Variants in ACAP3 observed in about 807,000 individuals in gnomAD.
ACAP3 encodes the protein arf-GAP with coiled-coil, ANK repeat and PH domain-containing protein 3.
A neutral mutation model predicts 104.1 loss-of-function variants in ACAP3; 56 were observed. The observed-to-expected ratio is 0.54, with a 90% CI of 0.43 to 0.67. The LOEUF is 0.67. Ranked by LOEUF, ACAP3 falls within the 30% of genes least tolerant of loss-of-function variation. The probability of loss-of-function intolerance (pLI) is 0.00; values close to 1 mark genes in which losing one functional copy is unlikely to be tolerated. For synonymous variants in ACAP3, 628 were observed against 496.2 expected (o/e 1.27, Z -3.53); for missense variants, 1,208 against 1,174.9 (o/e 1.03, Z -0.41).
intron 14 of ACAP3, 150 bp from the exon 15 acceptor site, chr1:1,296,783 G>A (rs924241768): frequency 1.0e-5 from 8 of 798,014 alleles, no homozygotes; most frequent in African/African-American, 3.5e-5. Flanking sequence ...ACACCCTCAC[G>A]TGGGCAGATG....
intron 6 of ACAP3, 135 bp downstream of exon 6, chr1:1,300,374 T>G: frequency 8.1e-7 from 1 of 1,231,282 alleles, no homozygotes; most frequent in East Asian, 2.5e-5. Flanking sequence ...TGCTTCCCCA[T>G]GTCTGGAGTT....
chr1:1,306,826 G>A (rs987560564), intron 1 of ACAP3, among the ~76,000 whole-genome samples: 51 of 152,262 alleles, frequency 3.3e-4, no homozygotes, highest in African/African-American at 1.1e-3. Context: ...TGTACAAGGT[G>A]ATGTGTCTAT....
rs111749158 is a variant in ACAP3 at position 1,303,718 on chromosome 1, C to A, written c.105+368G>T. ...GTGGGGCTCATGGACACGGCTCCCCCCTCCACGGCCTGTTGCCCCCTCCCC... is the reference window on the plus strand; with the variant it reads ...GTGGGGCTCATGGACACGGCTCCCCACTCCACGGCCTGTTGCCCCCTCCCC... On this transcript the variant is annotated intron_variant, in intron 2 of 23. Coordinates refer to ENST00000354700, the MANE Select transcript of ACAP3 (RefSeq NM_030649.3). This position sits in a 1 kb window ranked among gnomAD's most constrained non-coding sequence, Gnocchi z 4.0. The A allele has an allele frequency of 1.2e-5, 5 of 402,512 alleles. No individual in the cohort carries two copies. Among genetic ancestry groups the A allele is most frequent in the South Asian group, 2.9e-5 (1 of 34,554 alleles). 24.9% of individuals were successfully genotyped at this position (402,512 alleles called of 1,614,324 possible).
chr1:1,301,139 T>C (rs1023275230), intron 5 of ACAP3, among the ~76,000 whole-genome samples: 3 of 150,548 alleles, frequency 2.0e-5, no homozygotes, highest in African/African-American at 7.5e-5. Flanking sequence ...GGCACAGTTA[T>C]GGCTCACTGC....
At position 1,295,941 on chromosome 1, in the gene ACAP3, G is replaced by C. The variant is rs1327085976; in HGVS notation, c.1503-3C>G. 1 of 1,612,450 alleles carries C rather than the reference G, an allele frequency of 6.2e-7. No homozygotes were observed. The highest frequency in any genetic ancestry group is 8.5e-7 in the Non-Finnish European group (1 of 1,179,970). On this transcript the variant is annotated splice_polypyrimidine_tract_variant and splice_region_variant and intron_variant, in intron 17 of 23. Coordinates refer to ENST00000354700, the MANE Select transcript of ACAP3 (RefSeq NM_030649.3). ...TGATCCAGGCCTCCTTGTCCTGCCT[G>C]GACCAGGGGGGAACATGAGGCTGTG... is the stretch of plus-strand genomic sequence containing the variant.
rs772149232 is a variant in ACAP3, at chr1:1,293,808, C to T, written c.2360+15G>A. On this transcript the variant is annotated intron_variant, in intron 23 of 23. Transcript: ENST00000354700. ...TGGAGGCCCCGCCCAGCCCCGAGGG[C>T]CCGGCCGCGCTCACAGTGTCACGAT... 8.9e-7 allele frequency: 1 copy of T among 1,125,164 alleles called. No individual in the cohort carries two copies. The highest frequency in any genetic ancestry group is 2.9e-5 in the Admixed American group (1 of 34,510). The allele number at this position is 1,125,164 out of a possible 1,614,324, so 69.7% of individuals were successfully genotyped here.
In ACAP3 at chr1:1,301,852, C is replaced by A. The variant is rs561234596; in HGVS notation, c.338+136G>T. 3,364 of 778,132 alleles carry A rather than the reference C, an allele frequency of 4.3e-3. 9 individuals are homozygous for A. The highest frequency in any genetic ancestry group is 5.6e-3 in the Non-Finnish European group (2,965 of 527,154). 48.2% of individuals were successfully genotyped at this position (778,132 alleles called of 1,614,324 possible). A position where few individuals can be genotyped will look rare whatever the true frequency, so the allele number is the denominator to read the frequency against. On this transcript the variant is annotated intron_variant, in intron 5 of 23. Coordinates refer to ENST00000354700, the MANE Select transcript of ACAP3 (RefSeq NM_030649.3). ...CTCCACCCGGCTGTCTGCCTCTGAG[C>A]CTTCTGCCTTGTGGAGCCGCTGCAC...
intron 21 of ACAP3, 41 bp downstream of exon 21, chr1:1,294,361 G>A: frequency 6.5e-7 from 1 of 1,541,748 alleles, no homozygotes; most frequent in Non-Finnish European, 8.7e-7. Flanking sequence ...AAACGCGACT[G>A]TGCACCTGTG....
Position 1,299,900 on chromosome 1 carries a change from G to C in ACAP3, c.669C>G (p.Asp223Glu), listed in dbSNP as rs750465525. The C allele has an allele frequency of 1.3e-6, 2 of 1,584,196 alleles. No individual in the cohort carries two copies. Among genetic ancestry groups the C allele is most frequent in the Non-Finnish European group, 1.7e-6 (2 of 1,160,432 alleles). ...CCACCGCAGAGTCGATCACCAGCTG[G>C]TCCAGCTGTTGGGGGTGGCATTAGG... is the stretch of plus-strand genomic sequence containing the variant. ...PYMKKLAAEL[D>E]QLVIDSAVEK... The change falls in exon 9 of 24, where the codon GAC becomes GAG. Residue 223 changes from aspartate (D) to glutamate (E), a missense_variant. Asp to Glu is a conservative substitution (Grantham distance 45). Coordinates refer to ENST00000354700, the MANE Select transcript of ACAP3 (RefSeq NM_030649.3).
intron 10 of ACAP3, 31 bp downstream of exon 10, chr1:1,299,314 C>T (rs1317211837): frequency 2.5e-6 from 4 of 1,594,942 alleles, no homozygotes; most frequent in Non-Finnish European, 3.4e-6. Flanking sequence ...TCCCCCGACC[C>T]ACAGCCCGCC....
rs1266454108 is a variant in ACAP3 at position 1,293,466 on chromosome 1, G to A, written c.*98C>T. The stretch of plus-strand genomic sequence containing the variant: ...CTGGGGCTGCCAGGTATCGACCCGC[G>A]GGTCACACGCAGGGCCGCGGCCGGG... On this transcript the variant is annotated 3_prime_UTR_variant, in exon 24 of 24. Coordinates refer to ENST00000354700, the MANE Select transcript of ACAP3 (RefSeq NM_030649.3). 1.4e-5 allele frequency: 17 copies of A among 1,237,590 alleles called. No individual in the cohort carries two copies. The highest frequency in any genetic ancestry group is 8.9e-5 in the Admixed American group (2 of 22,476). 76.7% of individuals were successfully genotyped at this position (1,237,590 alleles called of 1,614,324 possible). A position where few individuals can be genotyped will look rare whatever the true frequency, so the allele number is the denominator to read the frequency against.
In ACAP3 at chr1:1,298,117, T is replaced by C. The variant is rs749392484; in HGVS notation, c.916-4A>G. On this transcript the variant is annotated splice_region_variant and splice_polypyrimidine_tract_variant and intron_variant, in intron 12 of 23. Transcript: ENST00000354700. Reference sequence around the variant, plus strand: ...CCACCACCACGGTGAGGGCATCCTGTGGGCGGCACCGCTGTGGCCCCTGCC... The same window carrying C: ...CCACCACCACGGTGAGGGCATCCTGCGGGCGGCACCGCTGTGGCCCCTGCC... 1.2e-6 allele frequency: 2 copies of C among 1,603,322 alleles called. No homozygotes were observed. The highest frequency in any genetic ancestry group is 2.2e-5 in the South Asian group (2 of 89,650).
rs373376499 is a variant in ACAP3 at position 1,299,268 on chromosome 1, G to C, written c.750+77C>G. ...GTGTCCTTGGTGCTGAAGTGCCCTT[G>C]GGGTAGAGGAGGGAAAGGCACCGCC... On this transcript the variant is annotated intron_variant, in intron 10 of 23. Coordinates refer to ENST00000354700, the MANE Select transcript of ACAP3 (RefSeq NM_030649.3). The C allele has an allele frequency of 9.8e-5, 150 of 1,537,124 alleles. 1 individual carries two copies. The East Asian group carries it at 2.5e-3, about 26-fold the overall frequency.
At position 1,300,063 on chromosome 1, in the gene ACAP3, C is replaced by T. The variant is rs1002158605; in HGVS notation, c.573G>A (p.Leu191=). 8 of 1,612,398 alleles carry T rather than the reference C, an allele frequency of 5.0e-6. No homozygotes were observed. The highest frequency in any genetic ancestry group is 6.8e-6 in the Non-Finnish European group (8 of 1,179,752). Residue 191 remains leucine (L), a synonymous_variant, in exon 8 of 24, where the codon CTG becomes CTA. Transcript: ENST00000354700. ...AGCTGGACTGGGCGTGCATGAAGGA[C>T]AGCATCTGCGGGGGCAGCACAGGTG... The part of the protein sequence containing the change: ...KKKFEILDSM[L]SFMHAQSSFF...
chr1:1,300,313 C>T (rs764653527), intron 6 of ACAP3, 111 bp from the exon 7 acceptor site: 10 of 1,365,276 alleles, frequency 7.3e-6, no homozygotes, highest in Non-Finnish European at 9.9e-6. Context: ...ACCCCCAGGT[C>T]GTCTTCAGCT....
chr1:1,296,579 T>C lies in ACAP3; in HGVS notation c.1183A>G (p.Thr395Ala), dbSNP rs1295329148. ...TCGCCCTTCACGCCACGCTCCCGAG[T>C]GTCGGTGGCGGAGTCGATGCTGCTC... Reference protein sequence around the residue: ...STSSIDSATDTRERGVKGESV... With the variant: ...STSSIDSATDARERGVKGESV... The change falls in exon 15 of 24, where the codon ACT becomes GCT. Residue 395 changes from threonine to alanine, a missense_variant. Thr to Ala is a moderately conservative substitution (Grantham distance 58, BLOSUM62 0). Coordinates refer to ENST00000354700, the MANE Select transcript of ACAP3 (RefSeq NM_030649.3). The C allele has an allele frequency of 3.2e-6, 5 of 1,539,678 alleles. No homozygotes were observed. The Admixed American group carries it at 9.8e-5, about 30-fold the overall frequency.
In ACAP3 at chr1:1,304,077, G is replaced by A. The variant is rs372157930; in HGVS notation, c.105+9C>T. The A allele has an allele frequency of 5.9e-5, 91 of 1,550,392 alleles. No homozygotes were observed. Among genetic ancestry groups the A allele is most frequent in the Middle Eastern group, 1.7e-4 (1 of 6,012 alleles). ...GCCGGGCACAGGGCGCTCCAGGCCC[G>A]CCCTTCACCTTGTCCAGTTTGGCCT... On this transcript the variant is annotated intron_variant, in intron 2 of 23. Coordinates refer to ENST00000354700, the MANE Select transcript of ACAP3 (RefSeq NM_030649.3).
At position 1,303,052 on chromosome 1, in the gene ACAP3, T is replaced by C. The variant is rs1641520331; in HGVS notation, c.226-77A>G. The stretch of plus-strand genomic sequence containing the variant: ...CACCCAGCCACGCCCTCTGAGCCCC[T>C]GGGCGGTGCAGACACCGGCCTGCTT... On this transcript the variant is annotated intron_variant, in intron 3 of 23. Coordinates refer to ENST00000354700, the MANE Select transcript of ACAP3 (RefSeq NM_030649.3). This position sits in a 1 kb window ranked among gnomAD's most constrained non-coding sequence, Gnocchi z 4.0. 1 of 1,559,460 alleles carries C rather than the reference T, an allele frequency of 6.4e-7. No homozygotes were observed.
At chr1:1,306,725 C>G (rs1364126116) in intron 1 of ACAP3, among the ~76,000 whole-genome samples, 1 of 152,244 alleles carries the variant, frequency 6.6e-6, no homozygotes, top group Non-Finnish European at 1.5e-5. Context: ...CACAAACATG[C>G]CTGCACACAC....
Sources: allele counts gnomAD v4.1 joint callset (sites outside exome capture counted in the v4.1 genomes callset), GRCh38; gene constraint gnomAD v4.1.1; non-coding constraint Gnocchi (gnomAD v3.1); transcripts MANE v1.5; gene names NCBI Gene and HGNC (gene_info 2026-07-23, HGNC 2026-07-21).